IL1RAPL1: variants seen among roughly 807,000 people sequenced by gnomAD.
IL1RAPL1 encodes interleukin-1 receptor accessory protein-like 1.
In IL1RAPL1, 3 loss-of-function variants were observed where a neutral mutation model predicts 48.4. The observed-to-expected ratio is 0.06, with a 90% CI of 0.03 to 0.16. The LOEUF (loss-of-function observed/expected upper bound fraction) is 0.16, where lower values mean the gene tolerates loss of function less well. Among genes scored for constraint, IL1RAPL1 ranks in the 10% least tolerant of loss-of-function variants. The pLI is 1.00. For synonymous variants in IL1RAPL1, 185 were observed against 187.7 expected (o/e 0.99, Z 0.12); for missense variants, 349 against 530.6 (o/e 0.66, Z 3.36).
chrX:28,993,371 T>C (rs1925656088), intron 2 of IL1RAPL1, among the ~76,000 whole-genome samples: 1 of 111,773 alleles, frequency 8.9e-6, no homozygotes, highest in Admixed American at 9.6e-5. Context: ...GAAGGAGCTG[T>C]TGCCATTGTC....
At chrX:29,517,409 A>G (rs1280929871) in intron 5 of IL1RAPL1, among the ~76,000 whole-genome samples, 1 of 110,943 alleles carries the variant, frequency 9.0e-6, no homozygotes, top group African/African-American at 3.3e-5. Context: ...CTAAACATGC[A>G]TAAACTACCT....
chrX:28,725,720 C>A (rs1344382014), intron 1 of IL1RAPL1, among the ~76,000 whole-genome samples: 1 of 112,522 alleles, frequency 8.9e-6, no homozygotes, highest in Non-Finnish European at 1.9e-5. Flanking sequence ...ATGAGCAAGG[C>A]AGAGCAGTGG....
At chrX:29,085,913 A>G (rs1477982741) in intron 2 of IL1RAPL1, among the ~76,000 whole-genome samples, 1 of 112,234 alleles carries the variant, frequency 8.9e-6, no homozygotes, top group Non-Finnish European at 1.9e-5. Context: ...CATTTAATTA[A>G]TTTTTAAGAT....
chrX:28,678,286 G>A (rs196990), intron 1 of IL1RAPL1, among the ~76,000 whole-genome samples: 35,763 of 110,154 alleles, frequency 0.32, 4,408 homozygotes, highest in Middle Eastern at 0.45. Context: ...ACTTTGGCTC[G>A]GTAGTGGTGG....
At chrX:29,644,050 A>G (rs1925246700) in intron 5 of IL1RAPL1, among the ~76,000 whole-genome samples, 1 of 112,095 alleles carries the variant, frequency 8.9e-6, no homozygotes, top group African/African-American at 3.2e-5. Flanking sequence ...TCATAAAACA[A>G]TTTTGTAATG....
chrX:29,555,954 C>A (rs974146405), intron 5 of IL1RAPL1, among the ~76,000 whole-genome samples: 2 of 112,165 alleles, frequency 1.8e-5, no homozygotes, highest in African/African-American at 6.5e-5. Context: ...CCATCAGAGA[C>A]CTTGCTTGGC....
intron 2 of IL1RAPL1, among the ~76,000 whole-genome samples, chrX:28,955,446 C>T (rs988249893): frequency 1.8e-5 from 2 of 110,887 alleles, no homozygotes; most frequent in Non-Finnish European, 3.8e-5. Context: ...TTAAAAATTA[C>T]TAATCTTGTA....
intron 3 of IL1RAPL1, among the ~76,000 whole-genome samples, chrX:29,364,124 T>C (rs905188325): frequency 8.9e-6 from 1 of 112,480 alleles, no homozygotes; most frequent in Non-Finnish European, 1.9e-5. Flanking sequence ...ATATTTAATT[T>C]ACTTGTTTCT....
At chrX:29,749,593 AAAAC>A (rs1366843371) in intron 6 of IL1RAPL1, among the ~76,000 whole-genome samples, 2 of 111,937 alleles carry the variant, frequency 1.8e-5, no homozygotes, top group Admixed American at 1.9e-4. Flanking sequence ...ATGATAAAAG[AAAAC>A]AAACAAAACA....
intron 2 of IL1RAPL1, among the ~76,000 whole-genome samples, chrX:29,042,902 G>A (rs867625036): frequency 8.9e-6 from 1 of 111,952 alleles, no homozygotes; most frequent in African/African-American, 3.2e-5. Context: ...GACTTTCTAC[G>A]AAAATGTAGG....
At chrX:28,844,372 T>C (rs1281645564) in intron 2 of IL1RAPL1, among the ~76,000 whole-genome samples, 2 of 108,854 alleles carry the variant, frequency 1.8e-5, no homozygotes, top group African/African-American at 6.7e-5. Flanking sequence ...ATGCCATTTC[T>C]AGGTTTAGAC....
At chrX:29,151,521 C>A (rs932393817) in intron 2 of IL1RAPL1, among the ~76,000 whole-genome samples, 7 of 111,051 alleles carry the variant, frequency 6.3e-5, no homozygotes, top group Non-Finnish European at 1.3e-4. Context: ...TGGAGCATGA[C>A]CCCCCAAACA....
At chrX:29,573,949 G>A (rs1360473860) in intron 5 of IL1RAPL1, among the ~76,000 whole-genome samples, 1 of 111,357 alleles carries the variant, frequency 9.0e-6, no homozygotes, top group Non-Finnish European at 1.9e-5. Flanking sequence ...TAGGTGCAGG[G>A]ACTCTTGATA....
At chrX:29,079,403 A>T (rs185099441) in intron 2 of IL1RAPL1, among the ~76,000 whole-genome samples, 2 of 111,259 alleles carry the variant, frequency 1.8e-5, no homozygotes, top group African/African-American at 6.5e-5. Context: ...CAGTGAAATA[A>T]CATCATTGGA....
At chrX:29,894,398 A>G (rs905864953) in intron 6 of IL1RAPL1, among the ~76,000 whole-genome samples, 4 of 112,438 alleles carry the variant, frequency 3.6e-5, no homozygotes, top group Non-Finnish European at 7.5e-5. Flanking sequence ...GCTAAATTCC[A>G]TCTGAACATT....
At position 28,843,308 on chromosome X, in the gene IL1RAPL1, C is replaced by T. The variant is rs772370850; in HGVS notation, c.82+53883C>T. 3.7e-5 allele frequency among the ~76,000 whole-genome samples: 4 copies of T among 109,506 alleles called. No homozygotes were observed. In the East Asian group the frequency reaches 1.1e-3, roughly 31 times the overall value. Reference sequence around the variant, plus strand: ...TTATTTTCTGTCTTATAAAAATTGTCTTAAAGGGCTTGGCTTAATTTCTAT... The same window carrying T: ...TTATTTTCTGTCTTATAAAAATTGTTTTAAAGGGCTTGGCTTAATTTCTAT... On this transcript the variant is annotated intron_variant, in intron 2 of 10. Coordinates refer to ENST00000378993, the MANE Select transcript of IL1RAPL1 (RefSeq NM_014271.4).
Position 28,644,378 on chromosome X carries a change from T to G in IL1RAPL1, c.-25+56331T>G, listed in dbSNP as rs140931834. Among the ~76,000 whole-genome samples, 599 of 111,870 alleles carry G rather than the reference T, an allele frequency of 5.4e-3. 2 individuals carry two copies. The highest frequency in any genetic ancestry group is 7.6e-3 in the Non-Finnish European group (404 of 53,263). ...CTACATCTCATCTTGTTTAGAAATA[T>G]TCTTATGATTTCTGTTTTTCAGTTC... On this transcript the variant is annotated intron_variant, in intron 1 of 10. Coordinates refer to ENST00000378993, the MANE Select transcript of IL1RAPL1 (RefSeq NM_014271.4).
At position 29,449,778 on chromosome X, in the gene IL1RAPL1, C is replaced by CAGAG. The variant is rs767669396; in HGVS notation, c.703+50471_703+50472insGAGA. Among the ~76,000 whole-genome samples, 359 of 57,606 alleles carry CAGAG rather than the reference C, an allele frequency of 6.2e-3. 4 individuals carry two copies. The highest frequency in any genetic ancestry group is 0.027 in the African/African-American group (328 of 12,016). 50.0% of individuals were successfully genotyped at this position (57,606 alleles called of 115,157 possible). On this transcript the variant is annotated intron_variant, in intron 5 of 10. Transcript: ENST00000378993. ...ACACACACACACACACACACACACA[C>CAGAG]ACAGAGAGAGAGAGAGAGAGAATAT...
chrX:29,467,930 C>T (rs111952243), intron 5 of IL1RAPL1, among the ~76,000 whole-genome samples: 48 of 111,450 alleles, frequency 4.3e-4, no homozygotes, highest in Non-Finnish European at 7.3e-4. Flanking sequence ...GCACAACCTC[C>T]GCTCACTGCA....
Sources: gnomAD v4.1 joint callset for allele counts (sites outside exome capture counted in the v4.1 genomes callset) on GRCh38, gnomAD v4.1.1 for gene constraint, MANE v1.5 for transcripts, NCBI Gene and HGNC (gene_info 2026-07-23, HGNC 2026-07-21) for gene names.